NLRP11: variants seen among roughly 807,000 people sequenced by gnomAD.
NLRP11 encodes the protein NLR family pyrin domain containing 11.
A neutral mutation model predicts 79.3 loss-of-function variants in NLRP11; 53 were observed. The ratio of observed to expected loss-of-function variants is 0.67; its 90% CI spans 0.54 to 0.84. NLRP11 has a LOEUF of 0.84. Among genes scored for constraint, NLRP11 ranks in the 40% least tolerant of loss-of-function variants. NLRP11 has a pLI of 0.00. For missense variants in NLRP11, 1,264 were observed against 1,255.0 expected (o/e 1.01, Z -0.11); for synonymous variants, 518 against 462.6 (o/e 1.12, Z -1.54).
intron 7 of NLRP11, among the ~76,000 whole-genome samples, chr19:55,790,472 A>G (rs1990169814): frequency 6.6e-6 from 1 of 152,134 alleles, no homozygotes; most frequent in Non-Finnish European, 1.5e-5. Flanking sequence ...AACAATACAT[A>G]AGTTTCTTAT....
At chr19:55,791,536 G>A (rs1453485517) in intron 7 of NLRP11, among the ~76,000 whole-genome samples, 1 of 152,182 alleles carries the variant, frequency 6.6e-6, no homozygotes. Flanking sequence ...ACAAGCCATA[G>A]TGTTGCTATT....
At chr19:55,829,263 C>T (rs2058457596) in intron 1 of NLRP11, among the ~76,000 whole-genome samples, 1 of 151,434 alleles carries the variant, frequency 6.6e-6, no homozygotes, top group Non-Finnish European at 1.5e-5. Context: ...ATGGAATACT[C>T]TTTAAATCAT....
At chr19:55,810,043 G>A (rs146866364) in exon 3 of NLRP11, 6 of 1,614,084 alleles carry the variant, frequency 3.7e-6, no homozygotes, top group East Asian at 2.2e-5. Context: ...GGTTTATTTC[G>A]TGAGCAGTGA....
At position 55,809,345 on chromosome 19, in the gene NLRP11, A is replaced by C; in HGVS notation, c.1265T>G (p.Phe422Cys). The change falls in exon 3 of 10, where the codon TTT becomes TGT. Residue 422 changes from phenylalanine to cysteine, a missense_variant. By Grantham distance (205) the Phe-to-Cys change is radical. Coordinates refer to ENST00000589093, the Ensembl canonical transcript of NLRP11. The surrounding 1 kb of genome is among the most constrained non-coding windows in gnomAD (Gnocchi z 4.5). ...CAACACAGAGACATCAGCCTCAGTA[A>C]ACCCAACACATCTGAGGTCTTCACC... is the stretch of plus-strand genomic sequence containing the variant. 2 of 1,614,158 alleles carry C rather than the reference A, an allele frequency of 1.2e-6. No individual in the cohort carries two copies. The highest frequency in any genetic ancestry group is 1.7e-6 in the Non-Finnish European group (2 of 1,180,018).
chr19:55,834,304 CA>C (rs143888461), upstream of NLRP11, among the ~76,000 whole-genome samples: 653 of 152,210 alleles, frequency 4.3e-3, 6 homozygotes, highest in African/African-American at 0.015. Flanking sequence ...CAAATAAAAA[CA>C]GAACACAACC....
intron 5 of NLRP11, among the ~76,000 whole-genome samples, chr19:55,798,730 C>A (rs942839373): frequency 1.0e-4 from 12 of 119,378 alleles, no homozygotes; most frequent in Non-Finnish European, 2.3e-4. Context: ...CTATGTTTTG[C>A]TTCAAACACA....
intron 1 of NLRP11, among the ~76,000 whole-genome samples, chr19:55,820,086 G>A (rs1472175462): frequency 6.6e-6 from 1 of 152,090 alleles, no homozygotes; most frequent in East Asian, 1.9e-4. Context: ...TGCCCAACAA[G>A]GTAAGAACTA....
intron 7 of NLRP11, among the ~76,000 whole-genome samples, chr19:55,790,898 G>A (rs1327518268): frequency 3.9e-5 from 6 of 152,128 alleles, no homozygotes; most frequent in Admixed American, 3.9e-4. Flanking sequence ...GTGCCCTATG[G>A]GAGCTCATAG....
intron 2 of NLRP11, among the ~76,000 whole-genome samples, chr19:55,816,422 G>C (rs954037417): frequency 1.2e-4 from 19 of 152,180 alleles, no homozygotes; most frequent in Non-Finnish European, 5.9e-5. Context: ...CACAATTACA[G>C]CTGTAGACTT....
intron 4 of NLRP11, among the ~76,000 whole-genome samples, chr19:55,805,737 A>G (rs1003578935): frequency 2.6e-5 from 4 of 151,820 alleles, no homozygotes; most frequent in African/African-American, 9.7e-5. Flanking sequence ...ATGGGGTTTC[A>G]CCATGTTGGC....
rs149228135 is a variant in NLRP11 at position 55,809,316 on chromosome 19, C to A, written c.1294G>T (p.Ala432Ser). ...TTGCTCGGCAAAAGAATATTCGCGG[C>A]CTGCAACACAGAGACATCAGCCTCA... The change falls in exon 3 of 10, where the codon GCC (alanine) becomes TCC (serine). Residue 432 changes from alanine (A) to serine (S), a missense_variant. By Grantham distance (99) the Ala-to-Ser change is moderately conservative (BLOSUM62 1). Transcript: ENST00000589093. The surrounding 1 kb of genome is among the most constrained non-coding windows in gnomAD (Gnocchi z 4.5). 1.2e-6 allele frequency: 2 copies of A among 1,613,870 alleles called. No individual in the cohort carries two copies. Among genetic ancestry groups the A allele is most frequent in the East Asian group, 2.2e-5 (1 of 44,888 alleles).
chr19:55,787,065 G>C (rs1156616542), intron 9 of NLRP11, among the ~76,000 whole-genome samples: 1 of 152,148 alleles, frequency 6.6e-6, no homozygotes, highest in East Asian at 1.9e-4. Flanking sequence ...AGAAAAATTG[G>C]ACATGAGTGG....
chr19:55,812,385 A>G (rs546666137), intron 2 of NLRP11, among the ~76,000 whole-genome samples: 2 of 152,336 alleles, frequency 1.3e-5, no homozygotes. Context: ...TAACAAGCAC[A>G]GAGGAAAAAC....
intron 2 of NLRP11, among the ~76,000 whole-genome samples, chr19:55,813,254 G>A (rs552375836): frequency 6.6e-6 from 1 of 152,266 alleles, no homozygotes; most frequent in South Asian, 2.1e-4. Context: ...CTTGAACCAA[G>A]GAAGCAGAGG....
chr19:55,836,144 C>A (rs118062072), upstream of NLRP11, among the ~76,000 whole-genome samples: 651 of 152,284 alleles, frequency 4.3e-3, 15 homozygotes, highest in South Asian at 0.057. Flanking sequence ...ATAATTTCTT[C>A]TTGCACGACA....
chr19:55,792,543 C>T (rs1201876335), intron 6 of NLRP11, 72 bp from the exon 7 acceptor site: 7 of 1,266,950 alleles, frequency 5.5e-6, no homozygotes, highest in Non-Finnish European at 8.0e-6. Flanking sequence ...CCACCCACCC[C>T]ACGCCCACGG....
Position 55,809,651 on chromosome 19 carries a change from G to T in NLRP11, c.959C>A (p.Ser320Ter). 6.2e-7 allele frequency: 1 copy of T among 1,614,142 alleles called. No homozygotes were observed. The highest frequency in any genetic ancestry group is 1.1e-5 in the South Asian group (1 of 91,052). ...CTCATGTACAAGCTGGAGGGCTGCC[G>T]ACGCCCTCTGGCGGTCTTTAAAGAA... The change falls in exon 3 of 10, where the codon TCG (serine) becomes TAG (stop). Residue 320 changes from serine (S) to a stop codon, truncating the protein, a stop_gained. Coordinates refer to ENST00000589093, the Ensembl canonical transcript of NLRP11. LOFTEE classifies it high-confidence loss of function. This position sits in a 1 kb window ranked among gnomAD's most constrained non-coding sequence, Gnocchi z 4.5.
intron 1 of NLRP11, among the ~76,000 whole-genome samples, chr19:55,827,773 C>CT (rs1982372556): frequency 6.6e-6 from 1 of 151,408 alleles, no homozygotes; most frequent in South Asian, 2.1e-4. Flanking sequence ...ACAACAGGTG[C>CT]TGGAGAGGAT....
exon 7 of NLRP11, chr19:55,792,327 A>C (rs955223902): frequency 1.2e-6 from 2 of 1,614,078 alleles, no homozygotes; most frequent in Non-Finnish European, 1.7e-6. Context: ...GACAGGTTGG[A>C]AACAGCAAGG....
Sources: gnomAD v4.1 joint callset for allele counts (sites outside exome capture counted in the v4.1 genomes callset) on GRCh38, gnomAD v4.1.1 for gene constraint, Gnocchi (gnomAD v3.1) non-coding constraint, MANE v1.5 for transcripts, NCBI Gene and HGNC (gene_info 2026-07-23, HGNC 2026-07-21) for gene names.